Variants in TGM1 observed in about 807,000 individuals in gnomAD.
TGM1 encodes the protein transglutaminase 1, also known as protein-glutamine gamma-glutamyltransferase K.
In TGM1, 63 loss-of-function variants were observed where a neutral mutation model predicts 88.7. The observed-to-expected ratio is 0.71, with a 90% confidence interval of 0.58 to 0.88. The LOEUF (loss-of-function observed/expected upper bound fraction) is 0.88. Among genes scored for constraint, TGM1 ranks in the 40% least tolerant of loss-of-function variants. TGM1 has a pLI of 0.00. For missense variants in TGM1, 996 were observed against 1,118.0 expected (o/e 0.89, Z 1.56); for synonymous variants, 415 against 431.1 (o/e 0.96, Z 0.46).
Position 24,259,424 on chromosome 14 carries a change from C to G in TGM1, c.985-175G>C, listed in dbSNP as rs1380287319. On this transcript the variant is annotated intron_variant, in intron 6 of 14. Coordinates refer to ENST00000206765, the MANE Select transcript of TGM1 (RefSeq NM_000359.3). This position sits in a 1 kb window ranked among gnomAD's most constrained non-coding sequence, Gnocchi z 5.7. ...GCCCTTCCCTCAGCCATCTGCCCCC[C>G]TCCCACCCGGGCTCTGACACAGGAA... is the stretch of plus-strand genomic sequence containing the variant. Among the ~76,000 whole-genome samples, 1 of 152,242 alleles carries G rather than the reference C, an allele frequency of 6.6e-6. No homozygotes were observed. Among genetic ancestry groups the G allele is most frequent in the South Asian group, 2.1e-4 (1 of 4,834 alleles).
chr14:24,258,982 C>T (rs1411308130), intron 7 of TGM1, 93 bp downstream of exon 7: 1 of 1,480,682 alleles, frequency 6.8e-7, no homozygotes, highest in Non-Finnish European at 9.3e-7. Context: ...GCACCCTGCA[C>T]TGTAGCCACA....
In TGM1 at chr14:24,262,262, G is replaced by A; in HGVS notation, c.91C>T (p.Pro31Ser). The A allele has an allele frequency of 1.2e-6, 2 of 1,613,622 alleles. No homozygotes were observed. Among genetic ancestry groups the A allele is most frequent in the Admixed American group, 1.7e-5 (1 of 60,028 alleles). The change falls in exon 2 of 15, where the codon CCA (proline) becomes TCA (serine). Residue 31 changes from proline (P) to serine (S), a missense_variant. Coordinates refer to ENST00000206765, the MANE Select transcript of TGM1 (RefSeq NM_000359.3). ...CCTCCTCTGCGAGAGCGTCCGTCTG[G>A]CTCTGGCTCTGGCTCTGGAGATGGC... ...TTPSPEPEPE[P>S]DGRSRRGGGR...
At chr14:24,250,624 G>A (rs1313165185) in intron 14 of TGM1, among the ~76,000 whole-genome samples, 2 of 152,150 alleles carry the variant, frequency 1.3e-5, no homozygotes, top group Non-Finnish European at 2.9e-5. Context: ...CACCCTGGGT[G>A]TCCTTGTGAA....
chr14:24,257,361 C>G (rs1252800944), intron 9 of TGM1, among the ~76,000 whole-genome samples: 1 of 152,170 alleles, frequency 6.6e-6, no homozygotes, highest in Non-Finnish European at 1.5e-5. Flanking sequence ...TGTTTGAGAA[C>G]AGAGTGTATG....
chr14:24,254,095 G>A, intron 14 of TGM1, 57 bp downstream of exon 14: 1 of 1,574,414 alleles, frequency 6.4e-7, no homozygotes, highest in Non-Finnish European at 8.6e-7. Flanking sequence ...GGGAGCCAGG[G>A]CAGCCTGTGG....
intron 3 of TGM1, 96 bp from the exon 4 acceptor site, chr14:24,260,794 G>A: frequency 1.3e-6 from 2 of 1,538,584 alleles, no homozygotes; most frequent in Admixed American, 1.7e-5. Context: ...ATGTGTATGA[G>A]CCACTGTGTA....
In TGM1 at chr14:24,255,828, G is replaced by A. The variant is rs1164083901; in HGVS notation, c.1491+161C>T. 1.3e-5 allele frequency among the ~76,000 whole-genome samples: 2 copies of A among 152,176 alleles called. No individual in the cohort carries two copies. Among genetic ancestry groups the A allele is most frequent in the Non-Finnish European group, 2.9e-5 (2 of 68,032 alleles). On this transcript the variant is annotated intron_variant, in intron 10 of 14. Transcript: ENST00000206765. The surrounding 1 kb of genome is among the most constrained non-coding windows in gnomAD (Gnocchi z 4.0). ...GTTATCTCTTCTGATCCCGAGTATA[G>A]GAAGCAAGGCAGCCTTGATTATCCC...
chr14:24,256,227 G>T, intron 9 of TGM1, 150 bp from the exon 10 acceptor site: 1 of 711,524 alleles, frequency 1.4e-6, no homozygotes, highest in Non-Finnish European at 2.5e-6. Flanking sequence ...CATCAGCCCT[G>T]ACCCAAACAC....
In TGM1 at chr14:24,254,258, A is replaced by G. The variant is rs1336639713; in HGVS notation, c.2119T>C (p.Cys707Arg). The G allele has an allele frequency of 6.2e-7, 1 of 1,613,962 alleles. No individual in the cohort carries two copies. ...LLGAAVVGQE[C>R]EVQIVFKNPL... is the part of the protein sequence containing the mutation. The stretch of plus-strand genomic sequence containing the variant: ...TTCTTGAAGACAATCTGTACTTCAC[A>G]CTCCTGGCCAACCACTGCTGCTCCC... The change falls in exon 14 of 15, where the codon TGT becomes CGT. Residue 707 changes from cysteine (C) to arginine (R), a missense_variant. Coordinates refer to ENST00000206765, the MANE Select transcript of TGM1 (RefSeq NM_000359.3).
chr14:24,250,107 A>G (rs2040688508), intron 14 of TGM1, among the ~76,000 whole-genome samples: 1 of 151,992 alleles, frequency 6.6e-6, no homozygotes, highest in Non-Finnish European at 1.5e-5. Flanking sequence ...TCCCAAGAAC[A>G]GACAACAGAC....
At chr14:24,261,263 G>A (rs1268688729) in intron 3 of TGM1, among the ~76,000 whole-genome samples, 1 of 152,182 alleles carries the variant, frequency 6.6e-6, no homozygotes, top group Non-Finnish European at 1.5e-5. Flanking sequence ...GGTAAGGGAG[G>A]CACCTGCCTT....
chr14:24,259,689 T>A lies in TGM1; in HGVS notation c.984+15A>T, dbSNP rs1434546422. On this transcript the variant is annotated intron_variant, in intron 6 of 14. Transcript: ENST00000206765. This position sits in a 1 kb window ranked among gnomAD's most constrained non-coding sequence, Gnocchi z 5.7. The stretch of plus-strand genomic sequence containing the variant: ...GCACACACACAGTAGGACTCAGAGA[T>A]GTGAGGGTGCTCACCATGGCAGAGA... The A allele has an allele frequency of 6.2e-7, 1 of 1,601,104 alleles. No homozygotes were observed. The highest frequency in any genetic ancestry group is 1.1e-5 in the South Asian group (1 of 89,646).
intron 14 of TGM1, among the ~76,000 whole-genome samples, chr14:24,251,433 C>T (rs1309394091): frequency 6.6e-6 from 1 of 152,136 alleles, no homozygotes; most frequent in Non-Finnish European, 1.5e-5. Context: ...TCAAGAGAAA[C>T]TGTTTTCTAG....
chr14:24,254,554 C>T, intron 13 of TGM1, 110 bp downstream of exon 13: 3 of 1,555,666 alleles, frequency 1.9e-6, no homozygotes, highest in South Asian at 1.1e-5. Flanking sequence ...CCTTCTCCTA[C>T]AAAGGCTCAT....
chr14:24,251,736 T>C (rs2040702807), intron 14 of TGM1, among the ~76,000 whole-genome samples: 1 of 152,252 alleles, frequency 6.6e-6, no homozygotes, highest in South Asian at 2.1e-4. Flanking sequence ...CACAGGCGTG[T>C]GCTCAGTGAT....
At chr14:24,258,455 T>TC in intron 8 of TGM1, 67 bp from the exon 9 acceptor site, 1 of 1,608,914 alleles carries the variant, frequency 6.2e-7, no homozygotes, top group Non-Finnish European at 8.5e-7. Context: ...TTCCCCAGCC[T>TC]CCCCAGCCCT....
chr14:24,256,140 T>C, intron 9 of TGM1, 63 bp from the exon 10 acceptor site: 4 of 1,401,602 alleles, frequency 2.9e-6, no homozygotes, highest in South Asian at 2.5e-5. Context: ...CTTCAGACCC[T>C]GGGTAAGGTC....
At position 24,255,622 on chromosome 14, in the gene TGM1, G is replaced by A; in HGVS notation, c.1492-105C>T. The A allele has an allele frequency of 6.7e-7, 1 of 1,484,934 alleles. No individual in the cohort carries two copies. The allele number at this position is 1,484,934 out of a possible 1,614,324, so 92.0% of individuals were successfully genotyped here. On this transcript the variant is annotated intron_variant, in intron 10 of 14. Transcript: ENST00000206765. This position sits in a 1 kb window ranked among gnomAD's most constrained non-coding sequence, Gnocchi z 4.0. ...TCCCAGGAGCTATGGGACAGGGCTT[G>A]GTCCCAAGGGTGGGAGCTTCCTGGC...
At chr14:24,256,123 G>A (rs1051313752) in intron 9 of TGM1, 46 bp from the exon 10 acceptor site, 1 of 1,489,518 alleles carries the variant, frequency 6.7e-7, no homozygotes, top group South Asian at 1.2e-5. Flanking sequence ...AGAAGGCGGA[G>A]AGGGCTCTTC....
Sources: allele counts gnomAD v4.1 joint callset (sites outside exome capture counted in the v4.1 genomes callset), GRCh38; gene constraint gnomAD v4.1.1; non-coding constraint Gnocchi (gnomAD v3.1); transcripts MANE v1.5; gene names NCBI Gene and HGNC (gene_info 2026-07-23, HGNC 2026-07-21).